SHISA9: variants seen among roughly 807,000 people sequenced by gnomAD.
SHISA9 encodes protein shisa-9.
In SHISA9, 13 loss-of-function variants were observed where a neutral mutation model predicts 38.0. The ratio of observed to expected loss-of-function variants is 0.34; its 90% confidence interval spans 0.22 to 0.54. The LOEUF (loss-of-function observed/expected upper bound fraction) is 0.54, where lower values mean the gene tolerates loss of function less well. SHISA9 is among the 20% of genes least tolerant of loss of function. SHISA9 has a pLI of 0.91. For synonymous variants in SHISA9, 275 were observed against 242.0 expected (o/e 1.14, Z -1.27); for missense variants, 538 against 575.8 (o/e 0.93, Z 0.67).
intron 2 of SHISA9, among the ~76,000 whole-genome samples, chr16:13,000,936 C>G (rs920840914): frequency 6.6e-6 from 1 of 152,050 alleles, no homozygotes; most frequent in African/African-American, 2.4e-5. Flanking sequence ...TTCTTTCTTT[C>G]TTTGTTTTTT....
At chr16:13,558,361 A>C in the SHISA9 span, among the ~76,000 whole-genome samples, 1 of 152,110 alleles carries the variant, frequency 6.6e-6, no homozygotes, top group Non-Finnish European at 1.5e-5. Flanking sequence ...CAATAACAAG[A>C]AAGTGACATT....
intron 2 of SHISA9, among the ~76,000 whole-genome samples, chr16:12,936,136 C>A (rs2071529895): frequency 6.6e-6 from 1 of 152,070 alleles, no homozygotes; most frequent in Admixed American, 6.6e-5. Flanking sequence ...CTAGCAGGTG[C>A]TTCGTTGGGT....
At chr16:13,264,270 G>C in the SHISA9 span, among the ~76,000 whole-genome samples, 1 of 151,474 alleles carries the variant, frequency 6.6e-6, no homozygotes, top group Non-Finnish European at 1.5e-5. Context: ...CACCTTCCAG[G>C]TTACAGTGTT....
chr16:12,906,906 G>C (rs976240064), intron 1 of SHISA9, among the ~76,000 whole-genome samples: 1 of 152,014 alleles, frequency 6.6e-6, no homozygotes, highest in Non-Finnish European at 1.5e-5. Flanking sequence ...GTCATCTAAG[G>C]GCAAAGGGCA....
intron 2 of SHISA9, among the ~76,000 whole-genome samples, chr16:13,072,370 GGT>G (rs1356272754): frequency 1.3e-5 from 2 of 152,320 alleles, no homozygotes; most frequent in Admixed American, 6.5e-5. Context: ...GTAGCTTGGT[GGT>G]GGGGAGTGGA....
chr16:13,304,232 T>C, the SHISA9 span, among the ~76,000 whole-genome samples: 5 of 152,216 alleles, frequency 3.3e-5, no homozygotes, highest in Non-Finnish European at 7.3e-5. Flanking sequence ...GAATGAAGTC[T>C]TACACCACCT....
At chr16:13,371,543 C>T in the SHISA9 span, among the ~76,000 whole-genome samples, 6 of 152,320 alleles carry the variant, frequency 3.9e-5, no homozygotes, top group East Asian at 1.2e-3. Flanking sequence ...TGCTATAGTA[C>T]AGTACCTCTT....
the SHISA9 span, among the ~76,000 whole-genome samples, chr16:13,414,673 G>A: frequency 4.0e-4 from 53 of 131,672 alleles, no homozygotes; most frequent in Middle Eastern, 4.8e-3. Flanking sequence ...CAGACAGAGT[G>A]TTGCCCTCTT....
At chr16:13,015,951 TTTCCC>T (rs1567182503) in intron 2 of SHISA9, among the ~76,000 whole-genome samples, 1 of 6,338 alleles carries the variant, frequency 1.6e-4, no homozygotes, top group African/African-American at 4.7e-4. Context: ...CCTTCTCTCT[TTTCCC>T]TTCCCTTCCC....
the SHISA9 span, among the ~76,000 whole-genome samples, chr16:13,504,371 A>G: frequency 1.3e-5 from 2 of 152,102 alleles, no homozygotes; most frequent in Non-Finnish European, 2.9e-5. Flanking sequence ...GATTTCCAAA[A>G]CCCATAAGGT....
At chr16:13,233,298 G>A (rs1051590377) in intron 4 of SHISA9, among the ~76,000 whole-genome samples, 2 of 148,120 alleles carry the variant, frequency 1.4e-5, no homozygotes, top group South Asian at 2.2e-4. Flanking sequence ...GAGGGAGGAA[G>A]AGAGAGAGGA....
chr16:13,046,198 G>C (rs144375586), intron 2 of SHISA9, among the ~76,000 whole-genome samples: 6 of 152,148 alleles, frequency 3.9e-5, no homozygotes, highest in South Asian at 4.2e-4. Context: ...TGGCCAAGAT[G>C]AATAATGAAT....
chr16:13,235,928 A>G lies in SHISA9; in HGVS notation c.*519A>G, dbSNP rs1460053537. 1 of 152,744 alleles carries G rather than the reference A, an allele frequency of 6.5e-6. No individual in the cohort carries two copies. The highest frequency in any genetic ancestry group is 2.4e-5 in the African/African-American group (1 of 41,450). The allele number at this position is 152,744 out of a possible 1,614,324, so 9.5% of individuals were successfully genotyped here. The stretch of plus-strand genomic sequence containing the variant: ...TGGAAGAGGAGTTGTTCTGGGAGGA[A>G]TTTGCCCACATTAGAAGCATTTTTC... On this transcript the variant is annotated 3_prime_UTR_variant, in exon 5 of 5. Transcript: ENST00000558583.
At chr16:13,228,960 A>C (rs941676597) in intron 4 of SHISA9, among the ~76,000 whole-genome samples, 13 of 152,132 alleles carry the variant, frequency 8.5e-5, no homozygotes, top group Admixed American at 8.5e-4. Flanking sequence ...CAGGACTTTG[A>C]GGCCAGCCTG....
At chr16:12,904,166 TC>T (rs796281881) in intron 1 of SHISA9, among the ~76,000 whole-genome samples, 7 of 152,220 alleles carry the variant, frequency 4.6e-5, no homozygotes, top group African/African-American at 1.7e-4. Context: ...GCCAGGCCAG[TC>T]CCTGTTAATT....
intron 2 of SHISA9, among the ~76,000 whole-genome samples, chr16:13,127,590 CA>C: frequency 6.6e-6 from 1 of 152,170 alleles, no homozygotes; most frequent in Non-Finnish European, 1.5e-5. Flanking sequence ...GGAGGGAGAG[CA>C]GCTTGACAGG....
intron 2 of SHISA9, among the ~76,000 whole-genome samples, chr16:13,121,144 G>A (rs898683276): frequency 2.0e-5 from 3 of 151,828 alleles, no homozygotes; most frequent in Non-Finnish European, 4.4e-5. Context: ...TGGGCCACAG[G>A]GGGAGACCCC....
chr16:13,540,193 CCACA>C, the SHISA9 span, among the ~76,000 whole-genome samples: 60,340 of 149,582 alleles, frequency 0.4, 12,210 homozygotes, highest in South Asian at 0.47. Context: ...GCATACATGC[CCACA>C]CACACACACA....
intron 2 of SHISA9, among the ~76,000 whole-genome samples, chr16:13,051,139 A>G (rs1037399267): frequency 1.3e-5 from 2 of 152,228 alleles, no homozygotes; most frequent in African/African-American, 4.8e-5. Context: ...AGACATACCC[A>G]AGTCTAGGTA....
Sources: gnomAD v4.1 joint callset for allele counts (sites outside exome capture counted in the v4.1 genomes callset) on GRCh38, gnomAD v4.1.1 for gene constraint, MANE v1.5 for transcripts, NCBI Gene and HGNC (gene_info 2026-07-23, HGNC 2026-07-21) for gene names.